Variants in NLGN1 observed in about 807,000 individuals in gnomAD.
NLGN1 encodes the protein neuroligin 1, also known as neuroligin-1.
NLGN1 carries 12 observed loss-of-function variants against 65.5 expected under a neutral mutation model. That is an observed-to-expected ratio of 0.18 (90% CI 0.12 to 0.30). The LOEUF is 0.30. Ranked by LOEUF, NLGN1 falls within the 10% of genes least tolerant of loss-of-function variation. The probability of loss-of-function intolerance (pLI) is 1.00; values close to 1 mark genes in which losing one functional copy is unlikely to be tolerated. For synonymous variants in NLGN1, 350 were observed against 359.5 expected (o/e 0.97, Z 0.30); for missense variants, 750 against 1,007.1 (o/e 0.74, Z 3.46).
chr3:173,959,240 G>A (rs1712936332), intron 4 of NLGN1, among the ~76,000 whole-genome samples: 1 of 152,226 alleles, frequency 6.6e-6, no homozygotes, highest in African/African-American at 2.4e-5. Context: ...GCTCCTACCT[G>A]CTCTGTGGAG....
chr3:173,552,153 G>A (rs767804483), intron 2 of NLGN1, among the ~76,000 whole-genome samples: 6 of 152,130 alleles, frequency 3.9e-5, no homozygotes, highest in Non-Finnish European at 8.8e-5. Context: ...TAATCCCCTG[G>A]AGGAGAAATT....
chr3:174,279,189 T>G lies in NLGN1; in HGVS notation c.1188T>G (p.Val396=), dbSNP rs1050024229. The change falls in exon 6 of 7, where the codon GTT becomes GTG. Residue 396 remains valine (V), a synonymous_variant. Transcript: ENST00000457714. The surrounding 1 kb of genome is among the most constrained non-coding windows in gnomAD (Gnocchi z 4.7). ...ACCAAGGGGAAGGGTTAAAATTTGT[T>G]GAAAATATAGTAGATAGCGATGATG... 1 of 1,613,424 alleles carries G rather than the reference T, an allele frequency of 6.2e-7. No individual in the cohort carries two copies. The highest frequency in any genetic ancestry group is 1.1e-5 in the South Asian group (1 of 91,078).
At chr3:173,924,250 A>T (rs1458872746) in intron 4 of NLGN1, among the ~76,000 whole-genome samples, 1 of 152,158 alleles carries the variant, frequency 6.6e-6, no homozygotes, top group Non-Finnish European at 1.5e-5. Context: ...GAATTTTTTT[A>T]AATTTAAATT....
chr3:173,746,901 A>T (rs1003547542), intron 3 of NLGN1, among the ~76,000 whole-genome samples: 13 of 151,746 alleles, frequency 8.6e-5, no homozygotes, highest in African/African-American at 3.1e-4. Context: ...ATACATAAAA[A>T]ATTAGTTGGG....
At chr3:174,160,557 T>TA (rs1289877133) in intron 4 of NLGN1, among the ~76,000 whole-genome samples, 1 of 151,608 alleles carries the variant, frequency 6.6e-6, no homozygotes, top group Non-Finnish European at 1.5e-5. Context: ...TATTCATCCT[T>TA]ATACTTCTGT....
intron 4 of NLGN1, among the ~76,000 whole-genome samples, chr3:174,041,593 C>A (rs972647840): frequency 5.3e-5 from 8 of 152,068 alleles, no homozygotes; most frequent in African/African-American, 1.9e-4. Flanking sequence ...TACTCCACAT[C>A]CTTACCAAAA....
intron 1 of NLGN1, among the ~76,000 whole-genome samples, chr3:173,406,630 G>C (rs1243708647): frequency 6.6e-6 from 1 of 150,622 alleles, no homozygotes; most frequent in Non-Finnish European, 1.5e-5. Flanking sequence ...CCTATAGTTG[G>C]ACCAGTCAGA....
At chr3:174,284,146 C>G (rs928498533) in exon 7 of NLGN1, 4 of 151,188 alleles carry the variant, frequency 2.6e-5, no homozygotes, top group South Asian at 2.1e-4. Flanking sequence ...ATTATTTTCT[C>G]TAAATTAGGG....
At chr3:173,932,281 A>G (rs1003036157) in intron 4 of NLGN1, among the ~76,000 whole-genome samples, 1 of 152,144 alleles carries the variant, frequency 6.6e-6, no homozygotes, top group Non-Finnish European at 1.5e-5. Flanking sequence ...CATTGTGGCA[A>G]TAGTTTAGTT....
chr3:173,611,877 G>A (rs2149473288), intron 3 of NLGN1, among the ~76,000 whole-genome samples: 1 of 152,140 alleles, frequency 6.6e-6, no homozygotes, highest in South Asian at 2.1e-4. Context: ...AGCAGAAAGA[G>A]TTATGCTAGA....
At chr3:173,599,845 G>A (rs1218430923) in intron 2 of NLGN1, among the ~76,000 whole-genome samples, 1 of 152,122 alleles carries the variant, frequency 6.6e-6, no homozygotes, top group Admixed American at 6.6e-5. Flanking sequence ...ACAGACATGA[G>A]CAAAGCAGCA....
At chr3:174,015,479 C>G (rs1385321505) in intron 4 of NLGN1, among the ~76,000 whole-genome samples, 1 of 152,184 alleles carries the variant, frequency 6.6e-6, no homozygotes, top group Non-Finnish European at 1.5e-5. Flanking sequence ...CTAATCCTCT[C>G]ATGAGGGCCC....
chr3:173,437,429 A>G (rs1718339247), intron 2 of NLGN1, among the ~76,000 whole-genome samples: 2 of 152,210 alleles, frequency 1.3e-5, no homozygotes. Flanking sequence ...CATTATTAAA[A>G]GACAGTTGCA....
At chr3:174,220,428 G>A (rs1738422177) in intron 4 of NLGN1, among the ~76,000 whole-genome samples, 1 of 152,104 alleles carries the variant, frequency 6.6e-6, no homozygotes, top group African/African-American at 2.4e-5. Flanking sequence ...AGCTAACGTG[G>A]TTGTTATTGG....
At chr3:173,510,485 A>G in intron 2 of NLGN1, among the ~76,000 whole-genome samples, 1 of 152,244 alleles carries the variant, frequency 6.6e-6, no homozygotes, top group Non-Finnish European at 1.5e-5. Flanking sequence ...TCAGGTAGAT[A>G]AATACGAGAA....
chr3:173,477,118 T>C (rs1266266525), intron 2 of NLGN1, among the ~76,000 whole-genome samples: 1 of 152,076 alleles, frequency 6.6e-6, no homozygotes, highest in East Asian at 1.9e-4. Flanking sequence ...AGGGGAGAGA[T>C]CTGGACTAGA....
At chr3:174,175,937 A>G (rs916123855) in intron 4 of NLGN1, among the ~76,000 whole-genome samples, 16 of 152,036 alleles carry the variant, frequency 1.1e-4, no homozygotes, top group Admixed American at 9.2e-4. Context: ...CTTCACATTT[A>G]TAGTACAAAT....
chr3:173,750,572 G>A (rs1305198519), intron 3 of NLGN1, among the ~76,000 whole-genome samples: 4 of 152,108 alleles, frequency 2.6e-5, no homozygotes, highest in Non-Finnish European at 1.5e-5. Context: ...ACAGGTACAA[G>A]TAGTAGTGGA....
intron 3 of NLGN1, among the ~76,000 whole-genome samples, chr3:173,668,989 A>G (rs1349961402): frequency 6.6e-6 from 1 of 152,224 alleles, no homozygotes; most frequent in East Asian, 1.9e-4. Context: ...AAGATGTAAT[A>G]GATATGGCAA....
Sources: allele counts gnomAD v4.1 joint callset (sites outside exome capture counted in the v4.1 genomes callset), GRCh38; gene constraint gnomAD v4.1.1; non-coding constraint Gnocchi (gnomAD v3.1); transcripts MANE v1.5; gene names NCBI Gene and HGNC (gene_info 2026-07-23, HGNC 2026-07-21).